Variants in ESRRG observed in about 807,000 individuals in gnomAD.
The protein encoded by ESRRG is estrogen-related receptor gamma.
In ESRRG, 13 loss-of-function variants were observed where a neutral mutation model predicts 44.0. The observed-to-expected ratio is 0.30, with a 90% CI of 0.19 to 0.47. The LOEUF (loss-of-function observed/expected upper bound fraction) is 0.47, where lower values mean the gene tolerates loss of function less well. Ranked by LOEUF, ESRRG falls within the 20% of genes least tolerant of loss-of-function variation. ESRRG has a pLI of 1.00. For synonymous variants in ESRRG, 215 were observed against 214.6 expected, an observed-to-expected ratio of 1.00 and a Z score of -0.02; for missense variants, 395 against 580.6, an observed-to-expected ratio of 0.68 and a Z score of 3.29.
At chr1:216,624,698 A>G (rs1220754890) in intron 3 of ESRRG, among the ~76,000 whole-genome samples, 3 of 152,156 alleles carry the variant, frequency 2.0e-5, no homozygotes, top group African/African-American at 7.2e-5. Context: ...TCCATCCCTG[A>G]AAGTCTCACC....
chr1:216,817,059 T>TAAA (rs11389958), intron 2 of ESRRG, among the ~76,000 whole-genome samples: 3 of 137,576 alleles, frequency 2.2e-5, no homozygotes, highest in Admixed American at 7.2e-5. Context: ...AAGAAAATGA[T>TAAA]AAAAAAAAAA....
intron 1 of ESRRG, among the ~76,000 whole-genome samples, chr1:217,132,754 G>C (rs897252562): frequency 2.6e-5 from 4 of 152,006 alleles, no homozygotes. Context: ...TGGTTACCCC[G>C]TCCTTGCCTC....
At chr1:216,601,415 C>G (rs1001186607) in intron 3 of ESRRG, among the ~76,000 whole-genome samples, 2 of 152,124 alleles carry the variant, frequency 1.3e-5, no homozygotes, top group African/African-American at 4.8e-5. Context: ...TCCAAGCATC[C>G]TAGAAAAGAA....
chr1:216,950,576 T>A (rs1285187244), intron 1 of ESRRG, among the ~76,000 whole-genome samples: 2 of 152,182 alleles, frequency 1.3e-5, no homozygotes. Flanking sequence ...CAATTAAAAC[T>A]TGTTAAATGA....
At position 216,807,410 on chromosome 1, in the gene ESRRG, T is replaced by C. The variant is rs925141655; in HGVS notation, c.-13-129919A>G. 2.0e-5 allele frequency among the ~76,000 whole-genome samples: 3 copies of C among 152,198 alleles called. No homozygotes were observed. The East Asian group carries it at 5.8e-4, about 29-fold the overall frequency. Reference sequence around the variant, plus strand: ...AGAAAAACATATCACATTGCTATTTTTGGATCAGTTTAATTTACAAACTAG... The same window carrying C: ...AGAAAAACATATCACATTGCTATTTCTGGATCAGTTTAATTTACAAACTAG... On this transcript the variant is annotated intron_variant, in intron 2 of 7. Coordinates refer to the ESRRG transcript ENST00000359162.
intron 1 of ESRRG, among the ~76,000 whole-genome samples, chr1:217,032,900 G>A (rs1186565312): frequency 6.6e-6 from 1 of 152,122 alleles, no homozygotes; most frequent in African/African-American, 2.4e-5. Flanking sequence ...GCACAATTTG[G>A]CTGCTCACAT....
At chr1:216,784,189 A>G (rs967744352) in intron 2 of ESRRG, among the ~76,000 whole-genome samples, 1 of 151,738 alleles carries the variant, frequency 6.6e-6, no homozygotes, top group African/African-American at 2.4e-5. Flanking sequence ...TTTTTCCTAT[A>G]TCCAATGCTT....
At chr1:216,874,654 A>G (rs2096318523) in intron 2 of ESRRG, among the ~76,000 whole-genome samples, 1 of 151,838 alleles carries the variant, frequency 6.6e-6, no homozygotes, top group Admixed American at 6.6e-5. Context: ...ATTGAGTGCC[A>G]ACTCGATTTG....
intron 1 of ESRRG, among the ~76,000 whole-genome samples, chr1:217,115,371 T>G (rs2092711030): frequency 6.6e-6 from 1 of 152,162 alleles, no homozygotes; most frequent in Non-Finnish European, 1.5e-5. Flanking sequence ...CCTTCCTGTC[T>G]GCCCCAACCA....
intron 1 of ESRRG, among the ~76,000 whole-genome samples, chr1:216,957,079 G>C (rs1412864919): frequency 1.3e-5 from 2 of 152,128 alleles, no homozygotes; most frequent in Non-Finnish European, 2.9e-5. Flanking sequence ...AAAAGGACTT[G>C]GTTAGATTCT....
intron 2 of ESRRG, among the ~76,000 whole-genome samples, chr1:216,873,940 A>C (rs2096302016): frequency 1.2e-5 from 1 of 82,290 alleles, no homozygotes; most frequent in Non-Finnish European, 2.3e-5. Flanking sequence ...AGGGAAGGGA[A>C]GGGAAGGGGA....
chr1:216,532,476 C>A (rs1298355973), intron 5 of ESRRG, among the ~76,000 whole-genome samples: 1 of 152,162 alleles, frequency 6.6e-6, no homozygotes, highest in African/African-American at 2.4e-5. Context: ...ATTTTAATTA[C>A]CCCTACTGAG....
chr1:217,074,025 T>C (rs10863293), intron 1 of ESRRG, among the ~76,000 whole-genome samples: 50,362 of 151,426 alleles, frequency 0.33, 8,851 homozygotes, highest in East Asian at 0.68. Context: ...TTAAAGCTTT[T>C]AGGATTAGTG....
At chr1:216,523,973 A>T (rs931383332) in intron 5 of ESRRG, among the ~76,000 whole-genome samples, 1 of 152,066 alleles carries the variant, frequency 6.6e-6, no homozygotes, top group Admixed American at 6.6e-5. Context: ...AATGCAACGT[A>T]AGCTAGATTC....
intron 6 of ESRRG, among the ~76,000 whole-genome samples, chr1:216,509,328 TGTAGA>T (rs2042070345): frequency 6.6e-6 from 1 of 152,272 alleles, no homozygotes; most frequent in African/African-American, 2.4e-5. Context: ...ATGAAAAGTA[TGTAGA>T]GTATTCTCCT....
intron 3 of ESRRG, among the ~76,000 whole-genome samples, chr1:216,583,765 G>A (rs572667236): frequency 5.9e-5 from 9 of 152,316 alleles, no homozygotes; most frequent in South Asian, 2.1e-4. Context: ...ACAGTTCCAC[G>A]TGGCTGGAAA....
chr1:216,770,517 A>G (rs941166034), intron 2 of ESRRG, among the ~76,000 whole-genome samples: 3 of 152,146 alleles, frequency 2.0e-5, no homozygotes, highest in South Asian at 2.1e-4. Context: ...ATCAGATCAG[A>G]GTAGAAGATC....
chr1:216,778,492 G>T (rs945459774), intron 2 of ESRRG, among the ~76,000 whole-genome samples: 3 of 151,832 alleles, frequency 2.0e-5, no homozygotes, highest in African/African-American at 7.3e-5. Flanking sequence ...GTTGTGTCGG[G>T]CCCTGACAGT....
chr1:216,649,399 T>A (rs1312570125), intron 3 of ESRRG, among the ~76,000 whole-genome samples: 1 of 151,984 alleles, frequency 6.6e-6, no homozygotes, highest in East Asian at 1.9e-4. Context: ...TCTTTAGGTA[T>A]CCTTCCTTCC....
Sources: gnomAD v4.1 joint callset for allele counts (sites outside exome capture counted in the v4.1 genomes callset) on GRCh38, gnomAD v4.1.1 for gene constraint, MANE v1.5 for transcripts, NCBI Gene and HGNC (gene_info 2026-07-23, HGNC 2026-07-21) for gene names.